CSMD1: variants seen among roughly 807,000 people sequenced by gnomAD.
CSMD1 encodes the protein CUB and Sushi multiple domains 1.
Under a neutral mutation model 417.5 loss-of-function variants are expected in CSMD1, and 213 were observed. The observed-to-expected ratio is 0.51, with a 90% confidence interval of 0.46 to 0.57. CSMD1 has a LOEUF of 0.57. Among genes scored for constraint, CSMD1 ranks in the 20% least tolerant of loss-of-function variants. CSMD1 has a pLI of 0.00. For missense variants in CSMD1, 6,923 were observed against 4,529.7 expected (o/e 1.53, Z -15.17); for synonymous variants, 2,862 against 1,736.8 (o/e 1.65, Z -16.11).
At chr8:4,817,119 G>T (rs1383361052) in intron 1 of CSMD1, among the ~76,000 whole-genome samples, 1 of 152,056 alleles carries the variant, frequency 6.6e-6, no homozygotes, top group Admixed American at 6.6e-5. Context: ...CCATGTATCT[G>T]TATATAAATA....
intron 10 of CSMD1, among the ~76,000 whole-genome samples, chr8:3,503,256 C>G (rs1499697): frequency 5.9e-5 from 9 of 152,036 alleles, no homozygotes; most frequent in South Asian, 2.1e-4. Flanking sequence ...CTTGCTTTAT[C>G]TGAGATGTTT....
rs149164028 is a variant in CSMD1 at position 3,720,214 on chromosome 8, G to C, written c.932-11723C>G. Among the ~76,000 whole-genome samples, 681 of 152,276 alleles carry C rather than the reference G, an allele frequency of 4.5e-3. 4 individuals carry two copies. The highest frequency in any genetic ancestry group is 0.016 in the African/African-American group (657 of 41,556). ...ACTCCCCAAGTAAGACGTCCATGGA[G>C]TTGGAAACATGCCACGTCATCTTCA... is the stretch of plus-strand genomic sequence containing the variant. On this transcript the variant is annotated intron_variant, in intron 6 of 69. Coordinates refer to ENST00000635120, the MANE Select transcript of CSMD1 (RefSeq NM_033225.6).
chr8:3,906,094 G>A (rs567795619), intron 5 of CSMD1, among the ~76,000 whole-genome samples: 3 of 152,076 alleles, frequency 2.0e-5, no homozygotes, highest in African/African-American at 7.2e-5. Context: ...TCCTTCCCAT[G>A]ATGCTAACCT....
At chr8:3,574,292 G>C (rs1800056995) in intron 10 of CSMD1, among the ~76,000 whole-genome samples, 2 of 152,362 alleles carry the variant, frequency 1.3e-5, no homozygotes, top group South Asian at 4.1e-4. Context: ...CCAGGCTGGA[G>C]TGCAGTGGCA....
chr8:3,237,491 T>A (rs534757815), intron 26 of CSMD1, among the ~76,000 whole-genome samples: 232 of 148,372 alleles, frequency 1.6e-3, no homozygotes, highest in African/African-American at 4.7e-3. Flanking sequence ...ACTTTGCATA[T>A]AAATAAAAGT....
intron 1 of CSMD1, among the ~76,000 whole-genome samples, chr8:4,662,220 G>A (rs1020481615): frequency 2.6e-5 from 4 of 152,166 alleles, no homozygotes; most frequent in African/African-American, 9.6e-5. Flanking sequence ...GCAAAGTTAT[G>A]CTATAATGAT....
chr8:4,959,951 CTTAAAAATAGGAAAATGTA>C (rs1239465739), intron 1 of CSMD1, among the ~76,000 whole-genome samples: 2 of 152,142 alleles, frequency 1.3e-5, no homozygotes, highest in Non-Finnish European at 2.9e-5. Context: ...ACTTACTCTC[CTTAAAAATAGGAAAATGTA>C]TTTTGTTACT....
At chr8:4,914,216 T>C (rs1198927573) in intron 1 of CSMD1, among the ~76,000 whole-genome samples, 3 of 152,164 alleles carry the variant, frequency 2.0e-5, no homozygotes, top group Non-Finnish European at 4.4e-5. Context: ...TGCAATCATT[T>C]CTGTTACAAA....
intron 5 of CSMD1, among the ~76,000 whole-genome samples, chr8:3,952,264 G>A (rs1031928475): frequency 4.6e-5 from 7 of 152,100 alleles, no homozygotes; most frequent in African/African-American, 1.7e-4. Flanking sequence ...ATTCTCCTGA[G>A]CACACAGTAA....
At chr8:4,247,707 C>T (rs186459126) in intron 3 of CSMD1, among the ~76,000 whole-genome samples, 96 of 152,220 alleles carry the variant, frequency 6.3e-4, no homozygotes, top group African/African-American at 2.1e-3. Flanking sequence ...TATTTTGGTA[C>T]ACATACTATA....
intron 3 of CSMD1, among the ~76,000 whole-genome samples, chr8:4,319,689 C>T (rs1292160107): frequency 2.6e-5 from 4 of 152,010 alleles, no homozygotes; most frequent in Non-Finnish European, 5.9e-5. Flanking sequence ...GGAAGCAATC[C>T]AAGCAGAATT....
intron 26 of CSMD1, among the ~76,000 whole-genome samples, chr8:3,262,405 T>C (rs1483273191): frequency 6.6e-6 from 1 of 151,352 alleles, no homozygotes; most frequent in African/African-American, 2.4e-5. Context: ...ATTTTCAGCA[T>C]CACCCATTGC....
chr8:3,439,570 G>A (rs1011549605), intron 12 of CSMD1, among the ~76,000 whole-genome samples: 7 of 150,626 alleles, frequency 4.6e-5, no homozygotes, highest in South Asian at 2.1e-4. Flanking sequence ...CAGATACGTG[G>A]TTTGAAAATG....
intron 5 of CSMD1, among the ~76,000 whole-genome samples, chr8:3,907,834 A>G (rs1266473601): frequency 6.6e-6 from 1 of 152,198 alleles, no homozygotes; most frequent in African/African-American, 2.4e-5. Flanking sequence ...AGTTCTTCTC[A>G]TCATCAACTC....
At chr8:3,365,404 G>T (rs1809493835) in intron 20 of CSMD1, among the ~76,000 whole-genome samples, 1 of 152,164 alleles carries the variant, frequency 6.6e-6, no homozygotes, top group South Asian at 2.1e-4. Context: ...GACACTATTT[G>T]ATTTTACATA....
intron 10 of CSMD1, among the ~76,000 whole-genome samples, chr8:3,501,657 A>G (rs941921078): frequency 1.3e-5 from 2 of 152,230 alleles, no homozygotes; most frequent in African/African-American, 4.8e-5. Context: ...CAAATTATGT[A>G]TCAGAAGAAA....
rs553035739 is a variant in CSMD1, at chr8:3,597,744, C to G, written c.1098-11484G>C. 2.6e-5 allele frequency among the ~76,000 whole-genome samples: 4 copies of G among 152,204 alleles called. No individual in the cohort carries two copies. In the East Asian group the frequency reaches 7.7e-4, roughly 29 times the overall value. ...AGCAAAGTAACACAAGAAGAGAAAA[C>G]CAAACATTGCATGTTCTCACTCATA... On this transcript the variant is annotated intron_variant, in intron 8 of 69. Coordinates refer to ENST00000635120, the MANE Select transcript of CSMD1 (RefSeq NM_033225.6).
At chr8:4,786,518 G>A (rs1251033888) in intron 1 of CSMD1, among the ~76,000 whole-genome samples, 2 of 152,132 alleles carry the variant, frequency 1.3e-5, no homozygotes, top group Non-Finnish European at 2.9e-5. Flanking sequence ...GTAAATTGGT[G>A]GTTGGTAGTT....
At chr8:4,552,245 A>G (rs1394140629) in intron 2 of CSMD1, among the ~76,000 whole-genome samples, 1 of 152,136 alleles carries the variant, frequency 6.6e-6, no homozygotes, top group Non-Finnish European at 1.5e-5. Context: ...CAAGGTTAGT[A>G]ACTCATCTGC....
Sources: gnomAD v4.1 joint callset for allele counts (sites outside exome capture counted in the v4.1 genomes callset) on GRCh38, gnomAD v4.1.1 for gene constraint, MANE v1.5 for transcripts, NCBI Gene and HGNC (gene_info 2026-07-23, HGNC 2026-07-21) for gene names.